ADAMTS17: variants seen among roughly 807,000 people sequenced by gnomAD.
The protein encoded by ADAMTS17 is ADAM metallopeptidase with thrombospondin type 1 motif 17, also known as A disintegrin and metalloproteinase with thrombospondin motifs 17.
Under a neutral mutation model 141.5 loss-of-function variants are expected in ADAMTS17, and 113 were observed. The ratio of observed to expected loss-of-function variants is 0.80; its 90% CI spans 0.69 to 0.93. The LOEUF (loss-of-function observed/expected upper bound fraction) is 0.93, where lower values mean the gene tolerates loss of function less well. Ranked by LOEUF, ADAMTS17 falls within the 40% of genes least tolerant of loss-of-function variation. The probability of loss-of-function intolerance (pLI) is 0.00; values close to 1 mark genes in which losing one functional copy is unlikely to be tolerated. For synonymous variants in ADAMTS17, 768 were observed against 630.6 expected (o/e 1.22, Z -3.27); for missense variants, 1,659 against 1,517.9 (o/e 1.09, Z -1.54).
At chr15:100,251,615 C>G (rs975527160) in intron 7 of ADAMTS17, among the ~76,000 whole-genome samples, 5 of 152,216 alleles carry the variant, frequency 3.3e-5, no homozygotes, top group African/African-American at 1.2e-4. Flanking sequence ...GTCCCAGCTA[C>G]TCAGGAGGCT....
At chr15:100,241,558 C>G (rs1414869734) in intron 7 of ADAMTS17, among the ~76,000 whole-genome samples, 1 of 152,200 alleles carries the variant, frequency 6.6e-6, no homozygotes, top group East Asian at 1.9e-4. Context: ...CCATGGCTGC[C>G]AGTTCTGTGG....
intron 2 of ADAMTS17, 25 bp downstream of exon 2, chr15:100,341,014 G>T: frequency 1.3e-6 from 2 of 1,519,306 alleles, no homozygotes; most frequent in South Asian, 2.4e-5. Flanking sequence ...CGGACGGGCC[G>T]ACCCGGAGGT....
rs1342583889 is a variant in ADAMTS17 at position 100,317,508 on chromosome 15, T to C, written c.616+13381A>G. Among the ~76,000 whole-genome samples the C allele has an allele frequency of 2.0e-5, 3 of 152,118 alleles. No individual in the cohort carries two copies. In the East Asian group the frequency reaches 5.8e-4, roughly 29 times the overall value. Reference sequence around the variant, plus strand: ...CTTCCAGGATGGACCCTCGCTCAGCTGACCCCTAACATCAGCTCCAGATCC... The same window carrying C: ...CTTCCAGGATGGACCCTCGCTCAGCCGACCCCTAACATCAGCTCCAGATCC... On this transcript the variant is annotated intron_variant, in intron 3 of 21. Coordinates refer to ENST00000268070, the MANE Select transcript of ADAMTS17 (RefSeq NM_139057.4).
chr15:100,042,078 C>G (rs915517038), intron 18 of ADAMTS17, among the ~76,000 whole-genome samples: 3 of 152,182 alleles, frequency 2.0e-5, no homozygotes, highest in Non-Finnish European at 4.4e-5. Context: ...GCCACCCCAT[C>G]TGAAACAGCC....
intron 10 of ADAMTS17, among the ~76,000 whole-genome samples, chr15:100,139,020 T>G (rs1015056844): frequency 2.0e-5 from 3 of 152,192 alleles, no homozygotes; most frequent in African/African-American, 7.2e-5. Context: ...GATGGACCTG[T>G]TTTGCAAATT....
intron 3 of ADAMTS17, among the ~76,000 whole-genome samples, chr15:100,296,159 G>A (rs561747274): frequency 5.9e-5 from 9 of 152,188 alleles, no homozygotes; most frequent in Admixed American, 2.6e-4. Flanking sequence ...GCAGTGAGCC[G>A]GCAGCAGGTT....
At chr15:100,158,690 T>C (rs1316117434) in intron 8 of ADAMTS17, among the ~76,000 whole-genome samples, 3 of 152,232 alleles carry the variant, frequency 2.0e-5, no homozygotes, top group Non-Finnish European at 4.4e-5. Context: ...GCAGTATTTT[T>C]CCTTCTGCAA....
chr15:100,330,060 C>T (rs1453832238), intron 3 of ADAMTS17, among the ~76,000 whole-genome samples: 1 of 152,196 alleles, frequency 6.6e-6, no homozygotes, highest in East Asian at 1.9e-4. Flanking sequence ...GAAATGCCAC[C>T]TGTGCTCCAA....
intron 7 of ADAMTS17, among the ~76,000 whole-genome samples, chr15:100,208,055 C>T (rs1206822936): frequency 6.6e-6 from 1 of 152,160 alleles, no homozygotes; most frequent in African/African-American, 2.4e-5. Context: ...TCCCAAAGAA[C>T]TCCAGGGGAA....
At chr15:100,203,100 G>A (rs559431921) in intron 7 of ADAMTS17, among the ~76,000 whole-genome samples, 1 of 152,228 alleles carries the variant, frequency 6.6e-6, no homozygotes, top group East Asian at 1.9e-4. Flanking sequence ...CTGAACACTC[G>A]ACCCTCCCTT....
chr15:99,990,491 T>C (rs1226797881), intron 20 of ADAMTS17, among the ~76,000 whole-genome samples: 2 of 152,220 alleles, frequency 1.3e-5, no homozygotes, highest in African/African-American at 4.8e-5. Context: ...GCCTCAGTTC[T>C]ATTGCCTTGG....
chr15:100,087,540 G>T (rs965669328), intron 15 of ADAMTS17, among the ~76,000 whole-genome samples: 2 of 152,036 alleles, frequency 1.3e-5, no homozygotes, highest in African/African-American at 2.4e-5. Context: ...AACCAAAAAA[G>T]AGAATTTTAG....
At chr15:100,163,345 A>G (rs2039816117) in intron 8 of ADAMTS17, among the ~76,000 whole-genome samples, 1 of 152,130 alleles carries the variant, frequency 6.6e-6, no homozygotes. Flanking sequence ...TGTGAGATAA[A>G]GCCATGTATC....
chr15:99,992,703 G>A (rs1044061061), intron 20 of ADAMTS17, among the ~76,000 whole-genome samples: 3 of 152,188 alleles, frequency 2.0e-5, no homozygotes, highest in African/African-American at 7.2e-5. Context: ...GTGTCCCCAT[G>A]GCAGGAGGCT....
At position 100,283,915 on chromosome 15, in the gene ADAMTS17, A is replaced by G. The variant is rs554409749; in HGVS notation, c.617-2514T>C. Among the ~76,000 whole-genome samples the G allele has an allele frequency of 2.6e-5, 4 of 152,190 alleles. No individual in the cohort carries two copies. In the South Asian group the frequency reaches 8.3e-4, roughly 32 times the overall value. On this transcript the variant is annotated intron_variant, in intron 3 of 21. Coordinates refer to ENST00000268070, the MANE Select transcript of ADAMTS17 (RefSeq NM_139057.4). ...GCGGTCAGGAGTTTGAGACCACCCTAGCCAACCTGGTGAAACCCCGTCTCT... is the reference window on the plus strand; with the variant it reads ...GCGGTCAGGAGTTTGAGACCACCCTGGCCAACCTGGTGAAACCCCGTCTCT...
At chr15:100,049,412 T>C (rs2031967884) in intron 17 of ADAMTS17, among the ~76,000 whole-genome samples, 2 of 152,194 alleles carry the variant, frequency 1.3e-5, no homozygotes, top group South Asian at 4.1e-4. Flanking sequence ...TATTACAGAA[T>C]TCCTGCTTGC....
intron 7 of ADAMTS17, among the ~76,000 whole-genome samples, chr15:100,208,680 A>T (rs1341534253): frequency 6.6e-6 from 1 of 152,112 alleles, no homozygotes. Flanking sequence ...ACACTTAGAT[A>T]CACTATCTAT....
At chr15:100,205,194 C>A (rs918585343) in intron 7 of ADAMTS17, among the ~76,000 whole-genome samples, 4 of 152,164 alleles carry the variant, frequency 2.6e-5, no homozygotes, top group African/African-American at 9.7e-5. Context: ...AAGAGAATCA[C>A]ACGAGTCCCC....
chr15:100,236,494 C>G (rs1371920326), intron 7 of ADAMTS17, among the ~76,000 whole-genome samples: 1 of 151,818 alleles, frequency 6.6e-6, no homozygotes. Context: ...AGCCCTCTTA[C>G]TAACACTGAA....
Sources: allele counts gnomAD v4.1 joint callset (sites outside exome capture counted in the v4.1 genomes callset), GRCh38; gene constraint gnomAD v4.1.1; transcripts MANE v1.5; gene names NCBI Gene and HGNC (gene_info 2026-07-23, HGNC 2026-07-21).